The following MARK4 variants were observed in gnomAD, a reference collection of about 807,000 sequenced individuals.
MARK4 encodes the protein MAP/microtubule affinity-regulating kinase 4.
In MARK4, 19 loss-of-function variants were observed where a neutral mutation model predicts 81.5. The observed-to-expected ratio is 0.23, with a 90% CI of 0.16 to 0.34. The LOEUF (loss-of-function observed/expected upper bound fraction) is 0.34, where lower values mean the gene tolerates loss of function less well. Among genes scored for constraint, MARK4 ranks in the 10% least tolerant of loss-of-function variants. The pLI, the probability that MARK4 is intolerant of heterozygous loss-of-function variation, is 1.00. For missense variants in MARK4, 772 were observed against 1,058.8 expected, an observed-to-expected ratio of 0.73 and a Z score of 3.76; for synonymous variants, 436 against 439.0, an observed-to-expected ratio of 0.99 and a Z score of 0.08.
In MARK4 at chr19:45,263,093, C is replaced by A; in HGVS notation, c.253-20C>A. 1 of 1,596,698 alleles carries A rather than the reference C, an allele frequency of 6.3e-7. No individual in the cohort carries two copies. The highest frequency in any genetic ancestry group is 1.7e-5 in the Admixed American group (1 of 57,816). On this transcript the variant is annotated intron_variant, in intron 2 of 16. Transcript: ENST00000262891. ...GCTTGTGGCACCTTGACCGTCCCTCCTCCTTTCCTCCCCCTCTAGGTTGCC... is the reference window on the plus strand; with the variant it reads ...GCTTGTGGCACCTTGACCGTCCCTCATCCTTTCCTCCCCCTCTAGGTTGCC...
chr19:45,255,559 CAAAAAAAAA>C (rs34066317), intron 1 of MARK4, among the ~76,000 whole-genome samples: 2 of 90,268 alleles, frequency 2.2e-5, no homozygotes, highest in Admixed American at 1.2e-4. Context: ...GAAACTCTGC[CAAAAAAAAA>C]AAAAAAAAAA....
intron 16 of MARK4, among the ~76,000 whole-genome samples, chr19:45,300,097 C>G (rs1428969201): frequency 1.3e-5 from 2 of 152,202 alleles, no homozygotes; most frequent in Non-Finnish European, 2.9e-5. Flanking sequence ...GCCTGTAATC[C>G]CAGCACTTTG....
intron 13 of MARK4, among the ~76,000 whole-genome samples, chr19:45,293,546 G>A (rs192002401): frequency 2.4e-4 from 36 of 152,274 alleles, no homozygotes; most frequent in Admixed American, 1.5e-3. Flanking sequence ...AATTGAATTC[G>A]TAACTGAAAA....
At chr19:45,278,658 C>A (rs141826060) in intron 10 of MARK4, 43 bp downstream of exon 10, 124,939 of 1,459,148 alleles carry the variant, frequency 0.086, 5,987 homozygotes, top group Middle Eastern at 0.13. Flanking sequence ...GGATGGAGTG[C>A]AGTGGTGCAA....
intron 8 of MARK4, among the ~76,000 whole-genome samples, chr19:45,272,159 CTG>C (rs1447531224): frequency 1.3e-5 from 2 of 152,098 alleles, no homozygotes; most frequent in African/African-American, 2.4e-5. Flanking sequence ...TAGGGAGACG[CTG>C]TCTCTACAAA....
chr19:45,297,421 T>C (rs1233241812), intron 14 of MARK4, among the ~76,000 whole-genome samples: 1 of 152,058 alleles, frequency 6.6e-6, no homozygotes, highest in East Asian at 1.9e-4. Flanking sequence ...AGAGTTGTGA[T>C]AGGAGATGAT....
chr19:45,258,996 C>G lies in MARK4; in HGVS notation c.59C>G (p.Thr20Ser), dbSNP rs760686813. Residue 20 changes from threonine (T) to serine (S), a missense_variant, in exon 2 of 17, where the codon ACC becomes AGC. Around this residue, in one of 3 missense-constraint regions of MARK4, gnomAD observed 115 missense variants for 139.8 expected, o/e 0.82. Coordinates refer to ENST00000262891, the MANE Select transcript of MARK4 (RefSeq NM_001199867.2). Reference protein sequence around the residue: ...GNDRNSDTHGTLGSGRSSDKG... With the variant: ...GNDRNSDTHGSLGSGRSSDKG... ...TCCATCTCCCCCGCCCAGCATGGCACCTTGGGCAGTGGCCGCTCCTCGGAC... is the reference window on the plus strand; with the variant it reads ...TCCATCTCCCCCGCCCAGCATGGCAGCTTGGGCAGTGGCCGCTCCTCGGAC... The G allele has an allele frequency of 3.7e-6, 6 of 1,612,372 alleles. No homozygotes were observed. In the East Asian group the frequency reaches 1.1e-4, roughly 30 times the overall value.
chr19:45,258,357 T>C (rs1970336231), intron 1 of MARK4, among the ~76,000 whole-genome samples: 1 of 152,162 alleles, frequency 6.6e-6, no homozygotes, highest in African/African-American at 2.4e-5. Flanking sequence ...CAGTATTTGC[T>C]TTATTGCGGT....
At chr19:45,253,063 C>T (rs1197046945) in intron 1 of MARK4, among the ~76,000 whole-genome samples, 1 of 152,036 alleles carries the variant, frequency 6.6e-6, no homozygotes, top group Non-Finnish European at 1.5e-5. Context: ...CTGATCACTT[C>T]CAAAGACCTG....
chr19:45,254,076 C>T (rs1235877580), intron 1 of MARK4, among the ~76,000 whole-genome samples: 1 of 152,268 alleles, frequency 6.6e-6, no homozygotes, highest in African/African-American at 2.4e-5. Flanking sequence ...TTGCAGCCCC[C>T]TCTCCTGTTA....
chr19:45,295,631 C>T (rs1380055706), intron 14 of MARK4, among the ~76,000 whole-genome samples: 3 of 152,072 alleles, frequency 2.0e-5, no homozygotes, highest in East Asian at 3.9e-4. Flanking sequence ...AAAAATTAGC[C>T]AGGAACGATG....
intron 13 of MARK4, among the ~76,000 whole-genome samples, chr19:45,292,172 A>G (rs1970828481): frequency 6.6e-6 from 1 of 151,986 alleles, no homozygotes; most frequent in Admixed American, 6.6e-5. Flanking sequence ...ACATGGTGGC[A>G]CACACATGTA....
intron 15 of MARK4, 36 bp downstream of exon 15, chr19:45,297,990 C>CG (rs1970912373): frequency 1.5e-5 from 9 of 617,264 alleles, no homozygotes; most frequent in Non-Finnish European, 2.6e-5. Context: ...CAGGGCGGGG[C>CG]GGGGGGCCGA....
At chr19:45,292,552 G>A (rs1384876679) in intron 13 of MARK4, among the ~76,000 whole-genome samples, 2 of 152,048 alleles carry the variant, frequency 1.3e-5, no homozygotes, top group Non-Finnish European at 2.9e-5. Flanking sequence ...ACCTTAAGAA[G>A]GTAAAAAAGG....
chr19:45,287,225 A>G (rs1970754839), intron 12 of MARK4, among the ~76,000 whole-genome samples: 1 of 150,616 alleles, frequency 6.6e-6, no homozygotes, highest in Non-Finnish European at 1.5e-5. Flanking sequence ...AAAAAAAAGA[A>G]GGTGCAATGA....
At chr19:45,256,715 C>T (rs1028535215) in intron 1 of MARK4, among the ~76,000 whole-genome samples, 8 of 152,140 alleles carry the variant, frequency 5.3e-5, no homozygotes, top group Non-Finnish European at 1.2e-4. Context: ...TTGATCCAGG[C>T]TCCAGGACAG....
chr19:45,251,687 C>T, intron 1 of MARK4, 48 bp downstream of exon 1: 9 of 1,470,070 alleles, frequency 6.1e-6, no homozygotes, highest in Non-Finnish European at 8.2e-6. Flanking sequence ...GTCCAGCCGC[C>T]AAACCCTTCT....
At chr19:45,277,432 A>ATT (rs1312407830) in intron 8 of MARK4, among the ~76,000 whole-genome samples, 2 of 143,066 alleles carry the variant, frequency 1.4e-5, no homozygotes, top group Non-Finnish European at 3.0e-5. Context: ...ATGTAGCTTA[A>ATT]ATTTTTTTTT....
chr19:45,279,499 A>G (rs1970644593), intron 10 of MARK4, among the ~76,000 whole-genome samples: 1 of 152,202 alleles, frequency 6.6e-6, no homozygotes, highest in Non-Finnish European at 1.5e-5. Flanking sequence ...CCTGGGCGAC[A>G]AGCAAAATTC....
Sources: allele counts gnomAD v4.1 joint callset (sites outside exome capture counted in the v4.1 genomes callset), GRCh38; gene constraint gnomAD v4.1.1; regional missense constraint gnomAD v4.1.1; transcripts MANE v1.5; gene names NCBI Gene and HGNC (gene_info 2026-07-23, HGNC 2026-07-21).